Variants in RNGTT observed in about 807,000 individuals in gnomAD.
RNGTT encodes the protein RNA guanylyltransferase and 5'-phosphatase.
A neutral mutation model predicts 79.3 loss-of-function variants in RNGTT; 33 were observed. The ratio of observed to expected loss-of-function variants is 0.42; its 90% CI spans 0.32 to 0.56. The LOEUF is 0.56. Among genes scored for constraint, RNGTT ranks in the 20% least tolerant of loss-of-function variants. The probability of loss-of-function intolerance (pLI) is 0.17; values close to 1 mark genes in which losing one functional copy is unlikely to be tolerated. For missense variants in RNGTT, 497 were observed against 739.1 expected, an observed-to-expected ratio of 0.67 and a Z score of 3.80; for synonymous variants, 222 against 235.9, an observed-to-expected ratio of 0.94 and a Z score of 0.54.
chr6:88,937,435 G>A (rs543578194), intron 2 of RNGTT, among the ~76,000 whole-genome samples: 3 of 151,546 alleles, frequency 2.0e-5, no homozygotes, highest in Non-Finnish European at 4.4e-5. Flanking sequence ...AGTTTACTTG[G>A]GTCTTGTTTT....
At chr6:88,778,752 T>A (rs538111896) in intron 12 of RNGTT, among the ~76,000 whole-genome samples, 1 of 152,308 alleles carries the variant, frequency 6.6e-6, no homozygotes, top group South Asian at 2.1e-4. Flanking sequence ...TTCAATATAA[T>A]TTAAGTTTTG....
At chr6:88,774,932 T>G (rs1323383983) in intron 12 of RNGTT, among the ~76,000 whole-genome samples, 1 of 152,138 alleles carries the variant, frequency 6.6e-6, no homozygotes, top group African/African-American at 2.4e-5. Flanking sequence ...AATTAGAGAT[T>G]ATAAAAATTA....
chr6:88,855,498 C>CAAA (rs34355921), intron 8 of RNGTT, among the ~76,000 whole-genome samples: 4 of 109,020 alleles, frequency 3.7e-5, no homozygotes, highest in Non-Finnish European at 5.8e-5. Flanking sequence ...TAATCAGTTC[C>CAAA]AAAAAAAAAA....
At chr6:88,695,438 G>A (rs1039798660) in intron 13 of RNGTT, among the ~76,000 whole-genome samples, 1 of 152,112 alleles carries the variant, frequency 6.6e-6, no homozygotes, top group Non-Finnish European at 1.5e-5. Flanking sequence ...TTAGGGAAAT[G>A]TAAATTAGAA....
rs1776218911 is a variant in RNGTT, at chr6:88,708,580, AGGTAGTCCCTTAGT to A, written c.1440-30175_1440-30162del. Reference sequence around the variant, plus strand: ...TCTTTAGGGCTGGTGCCAGGCCTTTAGGTAGTCCCTTAGTGCTGGTGCTTTCTGAAATCTGTCAC... The same window carrying A: ...TCTTTAGGGCTGGTGCCAGGCCTTTAGCTGGTGCTTTCTGAAATCTGTCAC... On this transcript the variant is annotated intron_variant, in intron 13 of 15. Transcript: ENST00000369485. Among the ~76,000 whole-genome samples the A allele has an allele frequency of 3.9e-5, 6 of 152,072 alleles. No homozygotes were observed. The South Asian group carries it at 1.2e-3, about 32-fold the overall frequency.
intron 13 of RNGTT, among the ~76,000 whole-genome samples, chr6:88,732,354 G>A (rs555754286): frequency 7.9e-5 from 12 of 152,260 alleles, no homozygotes; most frequent in African/African-American, 2.9e-4. Context: ...CATTAGGATG[G>A]CTATTATCAA....
At chr6:88,645,580 A>T (rs1391954866) in intron 14 of RNGTT, among the ~76,000 whole-genome samples, 1 of 152,250 alleles carries the variant, frequency 6.6e-6, no homozygotes, top group Non-Finnish European at 1.5e-5. Context: ...AGCTGGAGGC[A>T]TCACGCTACC....
rs532627918 is a variant in RNGTT at position 88,714,175 on chromosome 6, G to C, written c.1440-35756C>G. The C allele has an allele frequency of 2.6e-5, 4 of 152,312 alleles. No individual in the cohort carries two copies. In the East Asian group the frequency reaches 7.7e-4, roughly 29 times the overall value. The allele number at this position is 152,312 out of a possible 1,614,324, so 9.4% of individuals were successfully genotyped here. A position where few individuals can be genotyped will look rare whatever the true frequency, so the allele number is the denominator to read the frequency against. On this transcript the variant is annotated intron_variant, in intron 13 of 15. Coordinates refer to ENST00000369485, the MANE Select transcript of RNGTT (RefSeq NM_003800.5). Reference sequence around the variant, plus strand: ...TGGGTAAAATACTGTGAAAAAGAAAGTGATGAAAGTGTTCCATGAAATTAT... The same window carrying C: ...TGGGTAAAATACTGTGAAAAAGAAACTGATGAAAGTGTTCCATGAAATTAT...
At chr6:88,929,774 G>A (rs1234705673) in intron 2 of RNGTT, among the ~76,000 whole-genome samples, 1 of 151,252 alleles carries the variant, frequency 6.6e-6, no homozygotes, top group Non-Finnish European at 1.5e-5. Context: ...TAAAAGATGA[G>A]ACAATCCATT....
intron 1 of RNGTT, among the ~76,000 whole-genome samples, chr6:88,960,740 G>A (rs1036995695): frequency 6.6e-6 from 1 of 152,212 alleles, no homozygotes; most frequent in African/African-American, 2.4e-5. Context: ...CTCTCTCATT[G>A]CAAGTCTGGT....
At chr6:88,692,968 C>A (rs977435954) in intron 13 of RNGTT, among the ~76,000 whole-genome samples, 3 of 151,962 alleles carry the variant, frequency 2.0e-5, no homozygotes, top group African/African-American at 7.2e-5. Flanking sequence ...CACACCAAAA[C>A]TGATGAGATG....
At chr6:88,687,074 G>GACT (rs1215207057) in intron 13 of RNGTT, among the ~76,000 whole-genome samples, 1 of 151,898 alleles carries the variant, frequency 6.6e-6, no homozygotes, top group Non-Finnish European at 1.5e-5. Flanking sequence ...ACAGAAAAGG[G>GACT]ACTACTAACT....
intron 13 of RNGTT, among the ~76,000 whole-genome samples, chr6:88,709,280 G>C (rs1400595381): frequency 6.6e-6 from 1 of 151,408 alleles, no homozygotes; most frequent in Admixed American, 6.6e-5. Flanking sequence ...ATTCCAGCCT[G>C]GGTGACAGAG....
chr6:88,703,030 T>C (rs1265515160), intron 13 of RNGTT, among the ~76,000 whole-genome samples: 2 of 152,084 alleles, frequency 1.3e-5, no homozygotes, highest in East Asian at 3.9e-4. Flanking sequence ...AGAACAACTA[T>C]TATTTAAAAA....
intron 11 of RNGTT, among the ~76,000 whole-genome samples, chr6:88,806,940 G>T (rs901639099): frequency 6.6e-6 from 1 of 152,294 alleles, no homozygotes; most frequent in Non-Finnish European, 1.5e-5. Flanking sequence ...GTATCCTTCA[G>T]GGACATGGAT....
intron 8 of RNGTT, among the ~76,000 whole-genome samples, chr6:88,880,799 A>G (rs768398814): frequency 1.4e-4 from 22 of 152,208 alleles, no homozygotes; most frequent in Non-Finnish European, 2.9e-4. Context: ...ATTTTTATAT[A>G]GTTCTAAGTC....
chr6:88,641,085 AATC>A (rs1470087651), intron 14 of RNGTT, among the ~76,000 whole-genome samples: 527 of 152,292 alleles, frequency 3.5e-3, no homozygotes, highest in African/African-American at 0.012. Flanking sequence ...TCATGCCTGT[AATC>A]CCAGTACTTT....
chr6:88,719,936 C>G (rs1400810088), intron 13 of RNGTT, among the ~76,000 whole-genome samples: 1 of 152,196 alleles, frequency 6.6e-6, no homozygotes, highest in Non-Finnish European at 1.5e-5. Flanking sequence ...TACATCTACT[C>G]ATTTCATCGT....
intron 8 of RNGTT, among the ~76,000 whole-genome samples, chr6:88,854,499 C>T (rs1218598731): frequency 1.3e-5 from 2 of 152,106 alleles, no homozygotes; most frequent in Admixed American, 6.5e-5. Context: ...TAGAAAAAAG[C>T]AGTGAAAAAC....
Sources: gnomAD v4.1 joint callset for allele counts (sites outside exome capture counted in the v4.1 genomes callset) on GRCh38, gnomAD v4.1.1 for gene constraint, MANE v1.5 for transcripts, NCBI Gene and HGNC (gene_info 2026-07-23, HGNC 2026-07-21) for gene names.